The following ITGA1 variants were observed in gnomAD, a reference collection of about 807,000 sequenced individuals.
ITGA1 encodes integrin alpha-1.
In ITGA1, 85 loss-of-function variants were observed where a neutral mutation model predicts 145.9. The observed-to-expected ratio is 0.58, with a 90% CI of 0.49 to 0.70. The LOEUF (loss-of-function observed/expected upper bound fraction) is 0.70, where lower values mean the gene tolerates loss of function less well. Ranked by LOEUF, ITGA1 falls within the 30% of genes least tolerant of loss-of-function variation. ITGA1 has a pLI of 0.00. For synonymous variants in ITGA1, 520 were observed against 495.3 expected, an observed-to-expected ratio of 1.05 and a Z score of -0.66; for missense variants, 1,351 against 1,418.7, an observed-to-expected ratio of 0.95 and a Z score of 0.77.
intron 1 of ITGA1, chr5:52,801,435 C>G (rs1374491258): frequency 3.7e-6 from 6 of 1,613,680 alleles, no homozygotes; most frequent in South Asian, 1.1e-5. Context: ...GACACAAGTA[C>G]TCCCTGAAAG....
Position 52,910,195 on chromosome 5 carries a change from A to G in ITGA1, c.1633A>G (p.Ile545Val). ...TGAATATCAAATGAGCCTGGAACCTATTAAGCAGACGTGCTGTTCATCTCG... is the reference window on the plus strand; with the variant it reads ...TGAATATCAAATGAGCCTGGAACCTGTTAAGCAGACGTGCTGTTCATCTCG... ...RFEYQMSLEP[I>V]KQTCCSSRQH... The change falls in exon 14 of 29, where the codon ATT becomes GTT. Residue 545 changes from isoleucine to valine, a missense_variant. Ile to Val is a conservative substitution (Grantham distance 29, BLOSUM62 3). Transcript: ENST00000282588. The G allele has an allele frequency of 6.2e-7, 1 of 1,613,290 alleles. No individual in the cohort carries two copies. The highest frequency in any genetic ancestry group is 1.1e-5 in the South Asian group (1 of 91,084).
At chr5:52,881,806 T>C (rs529103204) in intron 6 of ITGA1, 67 bp from the exon 7 acceptor site, 1 of 1,451,840 alleles carries the variant, frequency 6.9e-7, no homozygotes, top group African/African-American at 1.4e-5. Context: ...ATTCACATGG[T>C]TAACCTGAAG....
At chr5:52,829,724 A>G (rs963416561) in intron 1 of ITGA1, among the ~76,000 whole-genome samples, 6 of 152,312 alleles carry the variant, frequency 3.9e-5, no homozygotes, top group Non-Finnish European at 8.8e-5. Flanking sequence ...AGTATTGCCA[A>G]ATACAGAGAT....
chr5:52,788,750 C>T (rs922090626), intron 1 of ITGA1, among the ~76,000 whole-genome samples: 1 of 152,272 alleles, frequency 6.6e-6, no homozygotes, highest in South Asian at 2.1e-4. Flanking sequence ...TCCTCCCCTC[C>T]ACCCTTTTTT....
chr5:52,920,711 C>A (rs970721021), intron 17 of ITGA1, among the ~76,000 whole-genome samples: 3 of 152,138 alleles, frequency 2.0e-5, no homozygotes, highest in Admixed American at 2.0e-4. Context: ...TATTATGGAA[C>A]GGCAGGAAAA....
intron 2 of ITGA1, among the ~76,000 whole-genome samples, chr5:52,853,352 G>T (rs1438515833): frequency 1.3e-5 from 2 of 152,154 alleles, no homozygotes; most frequent in African/African-American, 4.8e-5. Context: ...ATAGATTGCA[G>T]ACTTACTTCG....
chr5:52,864,696 T>A, intron 3 of ITGA1, 67 bp from the exon 4 acceptor site: 1 of 926,344 alleles, frequency 1.1e-6, no homozygotes, highest in Non-Finnish European at 1.7e-6. Context: ...AATGTCTTAA[T>A]GAGAGATGCT....
intron 1 of ITGA1, among the ~76,000 whole-genome samples, chr5:52,837,980 A>G (rs1289613068): frequency 1.3e-5 from 2 of 152,142 alleles, no homozygotes; most frequent in Non-Finnish European, 2.9e-5. Flanking sequence ...GACTTTTCTT[A>G]TTTTCTTATA....
At chr5:52,874,063 GA>G (rs148889119) in intron 6 of ITGA1, among the ~76,000 whole-genome samples, 1,746 of 141,646 alleles carry the variant, frequency 0.012, 35 homozygotes, top group African/African-American at 0.042. Flanking sequence ...TAGACAATTT[GA>G]AAAAAAAAAA....
Position 52,914,895 on chromosome 5 carries a change from A to G in ITGA1, c.1858-569A>G, listed in dbSNP as rs543660203. On this transcript the variant is annotated intron_variant, in intron 14 of 28. Transcript: ENST00000282588. ...TCTTCAAGACATACTCATTTGTGCC[A>G]TCTCAACGTTGTGAATACATCTGAG... 2.0e-5 allele frequency among the ~76,000 whole-genome samples: 3 copies of G among 152,342 alleles called. No homozygotes were observed. In the South Asian group the frequency reaches 6.2e-4, roughly 32 times the overall value.
chr5:52,865,820 A>G lies in ITGA1; in HGVS notation c.624+3A>G, dbSNP rs1169641488. Reference sequence around the variant, plus strand: ...ATATTGGTCCTAAACAGACACAGGTATGTGACTTTGTGTTTTGATTTCTGT... The same window carrying G: ...ATATTGGTCCTAAACAGACACAGGTGTGTGACTTTGTGTTTTGATTTCTGT... On this transcript the variant is annotated splice_donor_region_variant and intron_variant, in intron 6 of 28. Coordinates refer to ENST00000282588, the MANE Select transcript of ITGA1 (RefSeq NM_181501.2). The G allele has an allele frequency of 2.6e-6, 4 of 1,567,484 alleles. No individual in the cohort carries two copies. In the Admixed American group the frequency reaches 8.3e-5, roughly 32 times the overall value.
At chr5:52,891,555 T>TAAAA (rs56185635) in intron 8 of ITGA1, among the ~76,000 whole-genome samples, 2 of 118,870 alleles carry the variant, frequency 1.7e-5, no homozygotes, top group African/African-American at 3.4e-5. Flanking sequence ...TCATGAACAC[T>TAAAA]AAAAAAAAAA....
chr5:52,836,490 C>A (rs943307950), intron 1 of ITGA1, among the ~76,000 whole-genome samples: 3 of 152,022 alleles, frequency 2.0e-5, no homozygotes, highest in African/African-American at 7.2e-5. Context: ...TTTGGTCCCG[C>A]CTTGGAAGTT....
intron 1 of ITGA1, among the ~76,000 whole-genome samples, chr5:52,792,841 A>G (rs1007130018): frequency 1.5e-4 from 23 of 152,320 alleles, no homozygotes; most frequent in African/African-American, 4.6e-4. Context: ...CCACAGTGCT[A>G]AAGTCAGAAT....
intron 6 of ITGA1, among the ~76,000 whole-genome samples, chr5:52,876,914 C>T (rs1455276853): frequency 6.6e-6 from 1 of 152,052 alleles, no homozygotes; most frequent in African/African-American, 2.4e-5. Context: ...TTAAATCTTA[C>T]AAGATTAGCT....
At chr5:52,930,253 T>C (rs1750875337) in intron 21 of ITGA1, among the ~76,000 whole-genome samples, 1 of 152,170 alleles carries the variant, frequency 6.6e-6, no homozygotes, top group African/African-American at 2.4e-5. Context: ...GATGGTGTCT[T>C]TTACTGTTTT....
rs77856454 is a variant in ITGA1 at position 52,889,115 on chromosome 5, T to TCTTTTAAA, written c.924+1150_924+1151insCTTTTAAA. Among the ~76,000 whole-genome samples, 3 of 116,024 alleles carry TCTTTTAAA rather than the reference T, an allele frequency of 2.6e-5. 1 individual carries two copies. In the East Asian group the frequency reaches 7.3e-4, roughly 28 times the overall value. The allele number at this position is 116,024 out of a possible 152,430, so 76.1% of individuals were successfully genotyped here. ...TGCTCTAAACTACTATCCATTTTTT[T>TCTTTTAAA]TTTTAAATGGAGTCTCGCTCTGTCA... On this transcript the variant is annotated intron_variant, in intron 8 of 28. Coordinates refer to ENST00000282588, the MANE Select transcript of ITGA1 (RefSeq NM_181501.2).
At chr5:52,893,635 G>T (rs764687502) in intron 8 of ITGA1, 40 bp from the exon 9 acceptor site, 4 of 1,567,252 alleles carry the variant, frequency 2.6e-6, no homozygotes, top group South Asian at 2.3e-5. Context: ...TTAACACATA[G>T]AATTTAAAAT....
rs1751248654 is a variant in ITGA1 at position 52,953,025 on chromosome 5, C to T, written c.*574C>T. ...AGCATCTTTGTGTTGGGTTCTATAC[C>T]TAAAAATTTTCCCTCCCTGCCCAAG... On this transcript the variant is annotated 3_prime_UTR_variant, in exon 29 of 29. Coordinates refer to ENST00000282588, the MANE Select transcript of ITGA1 (RefSeq NM_181501.2). 2 of 151,734 alleles carry T rather than the reference C, an allele frequency of 1.3e-5. No individual in the cohort carries two copies. 9.4% of individuals were successfully genotyped at this position (151,734 alleles called of 1,614,324 possible). A position where few individuals can be genotyped will look rare whatever the true frequency, so the allele number is the denominator to read the frequency against.
Sources: allele counts gnomAD v4.1 joint callset (sites outside exome capture counted in the v4.1 genomes callset), GRCh38; gene constraint gnomAD v4.1.1; transcripts MANE v1.5; gene names NCBI Gene and HGNC (gene_info 2026-07-23, HGNC 2026-07-21).